ZMAT4: variants seen among roughly 807,000 people sequenced by gnomAD.
ZMAT4 encodes zinc finger matrin-type protein 4.
In ZMAT4, 17 loss-of-function variants were observed where a neutral mutation model predicts 28.7. That is an observed-to-expected ratio of 0.59 (90% confidence interval 0.41 to 0.89). The LOEUF (loss-of-function observed/expected upper bound fraction) is 0.89, where lower values mean the gene tolerates loss of function less well. Ranked by LOEUF, ZMAT4 falls within the 40% of genes least tolerant of loss-of-function variation. ZMAT4 has a pLI of 0.00. For synonymous variants in ZMAT4, 117 were observed against 109.2 expected, an observed-to-expected ratio of 1.07 and a Z score of -0.44; for missense variants, 240 against 283.8, an observed-to-expected ratio of 0.85 and a Z score of 1.11.
chr8:40,865,864 C>A (rs2150649261), intron 1 of ZMAT4, among the ~76,000 whole-genome samples: 1 of 152,236 alleles, frequency 6.6e-6, no homozygotes, highest in East Asian at 1.9e-4. Flanking sequence ...CTGATCGTCC[C>A]AACCAATTTT....
intron 2 of ZMAT4, among the ~76,000 whole-genome samples, chr8:40,810,709 C>G (rs1815281690): frequency 6.6e-6 from 1 of 151,864 alleles, no homozygotes; most frequent in Non-Finnish European, 1.5e-5. Context: ...AAATTGATCA[C>G]ATAAAATGGA....
intron 5 of ZMAT4, among the ~76,000 whole-genome samples, chr8:40,632,416 G>A (rs1312177709): frequency 1.3e-5 from 2 of 152,260 alleles, no homozygotes; most frequent in South Asian, 4.1e-4. Context: ...TAGTGAAAGA[G>A]AACATATGCC....
intron 5 of ZMAT4, among the ~76,000 whole-genome samples, chr8:40,622,911 A>G (rs1046589696): frequency 2.6e-5 from 4 of 152,200 alleles, no homozygotes; most frequent in African/African-American, 9.6e-5. Context: ...TCAACATGAG[A>G]TTTGGAGGGA....
At chr8:40,776,343 T>G (rs531621619) in intron 2 of ZMAT4, among the ~76,000 whole-genome samples, 1 of 152,358 alleles carries the variant, frequency 6.6e-6, no homozygotes, top group African/African-American at 2.4e-5. Context: ...AAAAATCATG[T>G]ACGGTGGGAT....
At chr8:40,737,956 T>C (rs1275797671) in intron 3 of ZMAT4, among the ~76,000 whole-genome samples, 1 of 152,112 alleles carries the variant, frequency 6.6e-6, no homozygotes, top group Non-Finnish European at 1.5e-5. Flanking sequence ...TTGTTCTTAT[T>C]ACAGCTAAGA....
At chr8:40,764,194 A>G (rs1813050890) in intron 3 of ZMAT4, among the ~76,000 whole-genome samples, 1 of 152,192 alleles carries the variant, frequency 6.6e-6, no homozygotes, top group African/African-American at 2.4e-5. Context: ...CTCTAAGGCA[A>G]TTGACCATAA....
chr8:40,767,757 C>T (rs1358840455), intron 2 of ZMAT4, 27 bp from the exon 3 acceptor site: 1 of 1,589,166 alleles, frequency 6.3e-7, no homozygotes, highest in Non-Finnish European at 8.6e-7. Flanking sequence ...TAAGCAGATA[C>T]TGTAAAAGAT....
chr8:40,714,221 AAGTT>A (rs1810751288), intron 3 of ZMAT4, among the ~76,000 whole-genome samples: 1 of 152,286 alleles, frequency 6.6e-6, no homozygotes, highest in Admixed American at 6.5e-5. Context: ...TTGACCCAGA[AAGTT>A]AATTTCTGGA....
intron 6 of ZMAT4, among the ~76,000 whole-genome samples, chr8:40,545,373 T>C (rs1238679551): frequency 1.3e-5 from 2 of 152,172 alleles, no homozygotes; most frequent in African/African-American, 4.8e-5. Context: ...TTTGAGTGAT[T>C]TGTTAAGCAA....
intron 5 of ZMAT4, among the ~76,000 whole-genome samples, chr8:40,658,619 TACACAC>T (rs3038825): frequency 0.089 from 12,901 of 144,600 alleles, 559 homozygotes; most frequent in Middle Eastern, 0.13. Context: ...GTTAGACACA[TACACAC>T]ACACACACAC....
chr8:40,564,478 G>C (rs1803850171), intron 6 of ZMAT4, among the ~76,000 whole-genome samples: 1 of 152,106 alleles, frequency 6.6e-6, no homozygotes, highest in South Asian at 2.1e-4. Flanking sequence ...TTTAGTATTT[G>C]TCATTTGCAC....
intron 1 of ZMAT4, among the ~76,000 whole-genome samples, chr8:40,828,426 G>T (rs1267434926): frequency 6.6e-6 from 1 of 151,922 alleles, no homozygotes; most frequent in Non-Finnish European, 1.5e-5. Flanking sequence ...ACAACCAACT[G>T]CAAAAATCAA....
intron 5 of ZMAT4, among the ~76,000 whole-genome samples, chr8:40,604,363 G>C (rs1805507940): frequency 6.6e-6 from 1 of 152,054 alleles, no homozygotes; most frequent in Non-Finnish European, 1.5e-5. Context: ...GGTTTGTCAT[G>C]GACAACTTTT....
chr8:40,777,555 T>C (rs977920144), intron 2 of ZMAT4, among the ~76,000 whole-genome samples: 1 of 152,214 alleles, frequency 6.6e-6, no homozygotes, highest in African/African-American at 2.4e-5. Flanking sequence ...TGTTGGCCGA[T>C]GGCCACTGGT....
At chr8:40,755,598 A>T (rs895741147) in intron 3 of ZMAT4, among the ~76,000 whole-genome samples, 2 of 152,024 alleles carry the variant, frequency 1.3e-5, no homozygotes, top group Non-Finnish European at 2.9e-5. Flanking sequence ...GACTACAGGC[A>T]TGCACCACCA....
At chr8:40,844,006 A>G (rs1309314437) in intron 1 of ZMAT4, among the ~76,000 whole-genome samples, 8 of 152,178 alleles carry the variant, frequency 5.3e-5, no homozygotes, top group Non-Finnish European at 2.9e-5. Context: ...CTGGAAATGG[A>G]ACAATTCAGC....
chr8:40,705,845 A>T (rs113178387), intron 3 of ZMAT4, among the ~76,000 whole-genome samples: 1,848 of 152,272 alleles, frequency 0.012, 36 homozygotes, highest in African/African-American at 0.04. Context: ...CCTTTCAGGA[A>T]GTATTCAACA....
At position 40,700,644 on chromosome 8, in the gene ZMAT4, G is replaced by T. The variant is rs983041603; in HGVS notation, c.193-3243C>A. On this transcript the variant is annotated intron_variant, in intron 3 of 6. Transcript: ENST00000297737. The stretch of plus-strand genomic sequence containing the variant: ...ACAACCTGTTTTCCGGGCTGGCCTC[G>T]AACTCCTAGGCTCAAGCAATGCTCT... Among the ~76,000 whole-genome samples the T allele has an allele frequency of 2.6e-5, 4 of 151,736 alleles. No individual in the cohort carries two copies. The South Asian group carries it at 6.3e-4, about 24-fold the overall frequency.
chr8:40,881,603 GAA>G (rs755755201), intron 1 of ZMAT4, among the ~76,000 whole-genome samples: 22 of 135,396 alleles, frequency 1.6e-4, no homozygotes, highest in African/African-American at 6.1e-4. Flanking sequence ...AGAAAGAAAA[GAA>G]AAGAAAAGAG....
Sources: allele counts gnomAD v4.1 joint callset (sites outside exome capture counted in the v4.1 genomes callset), GRCh38; gene constraint gnomAD v4.1.1; transcripts MANE v1.5; gene names NCBI Gene and HGNC (gene_info 2026-07-23, HGNC 2026-07-21).